PRP4K: variants seen among roughly 807,000 people sequenced by gnomAD.
The protein encoded by PRP4K is pre-mRNA processing factor kinase PRP4K.
chr6:4,024,086 C>G, the PRP4K span, among the ~76,000 whole-genome samples: 1 of 152,176 alleles, frequency 6.6e-6, no homozygotes, highest in East Asian at 1.9e-4. Context: ...AGGATGGTCC[C>G]GATCTCCTGA....
At chr6:4,058,842 A>G in the PRP4K span, 2 of 1,529,792 alleles carry the variant, frequency 1.3e-6, no homozygotes, top group Non-Finnish European at 1.8e-6. Context: ...AGCATGCAAT[A>G]GTTATTTTAT....
At chr6:4,027,625 C>T in the PRP4K span, among the ~76,000 whole-genome samples, 3 of 144,474 alleles carry the variant, frequency 2.1e-5, no homozygotes, top group Admixed American at 1.4e-4. Context: ...GGGGTTGGTC[C>T]GTGCTAGGCA....
chr6:4,044,692 C>T, the PRP4K span, among the ~76,000 whole-genome samples: 1 of 151,910 alleles, frequency 6.6e-6, no homozygotes, highest in East Asian at 1.9e-4. Context: ...TTCAATATAG[C>T]TTTCTTACTT....
At chr6:4,055,182 A>G in the PRP4K span, among the ~76,000 whole-genome samples, 506 of 152,338 alleles carry the variant, frequency 3.3e-3, 5 homozygotes, top group African/African-American at 0.011. Flanking sequence ...ATACCCTGCT[A>G]TTCTTTAAGG....
chr6:4,039,358 A>C, the PRP4K span, among the ~76,000 whole-genome samples: 1 of 152,240 alleles, frequency 6.6e-6, no homozygotes, highest in Non-Finnish European at 1.5e-5. Context: ...CCTCCTGGGA[A>C]ATAGACCTGG....
the PRP4K span, chr6:4,057,194 C>T: frequency 0.011 from 18,207 of 1,608,744 alleles, 138 homozygotes; most frequent in Non-Finnish European, 0.014. Context: ...TAAGGTAAGA[C>T]ATTAGCATGA....
At chr6:4,049,780 A>T in the PRP4K span, 3 of 1,613,564 alleles carry the variant, frequency 1.9e-6, no homozygotes, top group Non-Finnish European at 2.5e-6. Flanking sequence ...GTGTATGGCT[A>T]CACTGGGCAA....
chr6:4,055,516 A>G, the PRP4K span, among the ~76,000 whole-genome samples: 4 of 152,282 alleles, frequency 2.6e-5, no homozygotes, highest in Admixed American at 1.3e-4. Flanking sequence ...GCCAAGTTCA[A>G]GTCCCAACTC....
the PRP4K span, among the ~76,000 whole-genome samples, chr6:4,023,951 T>C: frequency 6.6e-6 from 1 of 151,928 alleles, no homozygotes. Flanking sequence ...ACTGAAACCT[T>C]GGACTCCCTG....
At chr6:4,054,816 T>TA in the PRP4K span, among the ~76,000 whole-genome samples, 1 of 152,230 alleles carries the variant, frequency 6.6e-6, no homozygotes, top group African/African-American at 2.4e-5. Context: ...AATTGTGAAA[T>TA]ACATGGTTCA....
the PRP4K span, chr6:4,032,145 G>C: frequency 6.2e-7 from 1 of 1,613,482 alleles, no homozygotes; most frequent in Non-Finnish European, 8.5e-7. Flanking sequence ...AATCGTTAAA[G>C]AGAAAACAAC....
chr6:4,034,737 G>A, the PRP4K span, among the ~76,000 whole-genome samples: 2 of 151,528 alleles, frequency 1.3e-5, no homozygotes, highest in Non-Finnish European at 2.9e-5. Context: ...TTTTTGAGAT[G>A]GGGTCTTGCT....
chr6:4,034,546 G>C, the PRP4K span, among the ~76,000 whole-genome samples: 2 of 152,086 alleles, frequency 1.3e-5, no homozygotes, highest in East Asian at 3.9e-4. Flanking sequence ...CCCTTTTCCT[G>C]AAACTGTATT....
the PRP4K span, chr6:4,051,831 C>T: frequency 1.7e-6 from 1 of 591,086 alleles, no homozygotes; most frequent in African/African-American, 1.9e-5. Context: ...TTTATTAGTA[C>T]TTAAAAATAT....
chr6:4,050,963 A>G, the PRP4K span, among the ~76,000 whole-genome samples: 11 of 151,766 alleles, frequency 7.2e-5, no homozygotes, highest in South Asian at 1.0e-3. Flanking sequence ...GTGCAGTGGC[A>G]TGGTGGCATG....
chr6:4,023,138 C>T, the PRP4K span, among the ~76,000 whole-genome samples: 16 of 152,282 alleles, frequency 1.1e-4, no homozygotes, highest in Non-Finnish European at 2.1e-4. Flanking sequence ...AAGAAGATAA[C>T]CATTTGGTAT....
chr6:4,022,579 C>T, the PRP4K span, among the ~76,000 whole-genome samples: 1 of 152,152 alleles, frequency 6.6e-6, no homozygotes, highest in African/African-American at 2.4e-5. Context: ...AAATCTTTGC[C>T]ACCAGACAAC....
At chr6:4,031,520 A>G in the PRP4K span, 2 of 1,356,566 alleles carry the variant, frequency 1.5e-6, no homozygotes, top group South Asian at 3.1e-5. Context: ...AATACTTGAT[A>G]AATGATATGA....
chr6:4,048,135 T>C, the PRP4K span, among the ~76,000 whole-genome samples: 1 of 151,976 alleles, frequency 6.6e-6, no homozygotes, highest in East Asian at 1.9e-4. Flanking sequence ...TCCCAGCACT[T>C]TGGGAGGCCG....
Sources: allele counts gnomAD v4.1 joint callset (sites outside exome capture counted in the v4.1 genomes callset), GRCh38; gene constraint gnomAD v4.1.1; transcripts MANE v1.5; gene names NCBI Gene and HGNC (gene_info 2026-07-23, HGNC 2026-07-21).